The following LDLRAD3 variants were observed in gnomAD, a reference collection of about 807,000 sequenced individuals.
LDLRAD3 encodes the protein low density lipoprotein receptor class A domain containing 3, also known as low-density lipoprotein receptor class A domain-containing protein 3.
A neutral mutation model predicts 29.4 loss-of-function variants in LDLRAD3; 20 were observed. The observed-to-expected ratio is 0.68, with a 90% CI of 0.48 to 0.99. The LOEUF is 0.99. Among genes scored for constraint, LDLRAD3 ranks in the 50% least tolerant of loss-of-function variants. The probability of loss-of-function intolerance (pLI) is 0.00; values close to 1 mark genes in which losing one functional copy is unlikely to be tolerated. For missense variants in LDLRAD3, 420 were observed against 454.3 expected, an observed-to-expected ratio of 0.92 and a Z score of 0.69; for synonymous variants, 157 against 192.7, an observed-to-expected ratio of 0.81 and a Z score of 1.53.
chr11:35,998,099 C>G (rs1195122451), intron 1 of LDLRAD3, among the ~76,000 whole-genome samples: 1 of 152,120 alleles, frequency 6.6e-6, no homozygotes, highest in Non-Finnish European at 1.5e-5. Context: ...ATGGGACTCC[C>G]CCAGGTGTTG....
chr11:36,175,587 A>T (rs1212125443), intron 4 of LDLRAD3, among the ~76,000 whole-genome samples: 1 of 152,168 alleles, frequency 6.6e-6, no homozygotes, highest in African/African-American at 2.4e-5. Context: ...TCAGGAGCAG[A>T]TTATTTAATT....
chr11:36,110,590 T>C (rs1345286041), intron 4 of LDLRAD3, among the ~76,000 whole-genome samples: 6 of 152,280 alleles, frequency 3.9e-5, no homozygotes. Context: ...GGCTCTCAGC[T>C]CCCCAACCCC....
intron 2 of LDLRAD3, among the ~76,000 whole-genome samples, chr11:36,052,550 G>T (rs1047820735): frequency 6.6e-6 from 1 of 152,338 alleles, no homozygotes; most frequent in Non-Finnish European, 1.5e-5. Flanking sequence ...GGGAGGCAGT[G>T]TGTGGAGTGC....
chr11:36,015,514 G>A (rs1000145927), intron 1 of LDLRAD3, among the ~76,000 whole-genome samples: 1 of 151,920 alleles, frequency 6.6e-6, no homozygotes, highest in African/African-American at 2.4e-5. Flanking sequence ...GAAACTTAAC[G>A]CACATACCGA....
chr11:36,063,104 A>T lies in LDLRAD3; in HGVS notation c.194-18549A>T, dbSNP rs112433627. Among the ~76,000 whole-genome samples, 12 of 152,288 alleles carry T rather than the reference A, an allele frequency of 7.9e-5. 2 individuals carry two copies. The highest frequency in any genetic ancestry group is 2.9e-4 in the African/African-American group (12 of 41,548). On this transcript the variant is annotated intron_variant, in intron 2 of 5. Transcript: ENST00000315571. ...CCTGAAAGTCCTTCCCTGAGGAAGG[A>T]ACTGAAATAAAACAAATGTAAACTT...
At chr11:36,159,700 G>C (rs978141558) in intron 4 of LDLRAD3, among the ~76,000 whole-genome samples, 23 of 151,310 alleles carry the variant, frequency 1.5e-4, no homozygotes, top group African/African-American at 5.6e-4. Flanking sequence ...TTGAGCTTGG[G>C]AGGTTGAGGC....
At chr11:35,968,559 C>G (rs1386548027) in intron 1 of LDLRAD3, 1 of 228,016 alleles carries the variant, frequency 4.4e-6, no homozygotes, top group South Asian at 7.9e-5. Flanking sequence ...AGCATTGCCT[C>G]TGAATTCTGC....
intron 2 of LDLRAD3, among the ~76,000 whole-genome samples, chr11:36,043,416 TTTG>T (rs1852407955): frequency 6.6e-6 from 1 of 152,218 alleles, no homozygotes; most frequent in Non-Finnish European, 1.5e-5. Context: ...CCTTTAACAA[TTTG>T]CAAGTAAGAA....
At chr11:36,087,962 AC>A (rs564677667) in intron 3 of LDLRAD3, among the ~76,000 whole-genome samples, 43 of 151,614 alleles carry the variant, frequency 2.8e-4, no homozygotes, top group Non-Finnish European at 5.6e-4. Flanking sequence ...CAAGAAATCC[AC>A]CCTGCTTGGC....
intron 1 of LDLRAD3, among the ~76,000 whole-genome samples, chr11:35,983,418 A>G (rs1433418261): frequency 1.3e-5 from 2 of 152,208 alleles, no homozygotes; most frequent in African/African-American, 4.8e-5. Context: ...CCGTATCCAT[A>G]TAACAAACCG....
chr11:36,053,870 T>C (rs1381134196), intron 2 of LDLRAD3, among the ~76,000 whole-genome samples: 2 of 152,094 alleles, frequency 1.3e-5, no homozygotes, highest in Non-Finnish European at 2.9e-5. Context: ...GTGACTCTTA[T>C]AAGGAGTCAC....
intron 2 of LDLRAD3, among the ~76,000 whole-genome samples, chr11:36,061,296 G>A (rs1383875440): frequency 1.3e-5 from 2 of 152,100 alleles, no homozygotes; most frequent in East Asian, 1.9e-4. Context: ...GTGGCACTAC[G>A]TCTGGCTAAT....
intron 2 of LDLRAD3, among the ~76,000 whole-genome samples, chr11:36,046,722 A>C (rs78070208): frequency 0.024 from 3,588 of 152,234 alleles, 167 homozygotes; most frequent in African/African-American, 0.083. Context: ...CCACCAGAGG[A>C]GGCCTTTGCA....
intron 2 of LDLRAD3, among the ~76,000 whole-genome samples, chr11:36,069,471 G>A (rs191917219): frequency 1.6e-3 from 240 of 152,314 alleles, no homozygotes; most frequent in African/African-American, 5.6e-3. Flanking sequence ...ATGGCCACAT[G>A]TCGGTTTTCA....
intron 4 of LDLRAD3, among the ~76,000 whole-genome samples, chr11:36,194,742 C>G (rs1855006726): frequency 6.6e-6 from 1 of 152,156 alleles, no homozygotes; most frequent in Non-Finnish European, 1.5e-5. Context: ...AAGCAATGTT[C>G]AGGGATTCCC....
chr11:36,008,165 G>A (rs560386911), intron 1 of LDLRAD3, among the ~76,000 whole-genome samples: 45 of 152,284 alleles, frequency 3.0e-4, no homozygotes, highest in African/African-American at 1.1e-3. Flanking sequence ...TTTATGTGAG[G>A]AGGGCATATT....
At chr11:36,068,815 C>G (rs1441828616) in intron 2 of LDLRAD3, among the ~76,000 whole-genome samples, 2 of 152,142 alleles carry the variant, frequency 1.3e-5, no homozygotes, top group Non-Finnish European at 2.9e-5. Context: ...CGCGCCCAGC[C>G]CAGAAACCTA....
intron 4 of LDLRAD3, among the ~76,000 whole-genome samples, chr11:36,215,407 A>G (rs1172777003): frequency 1.3e-5 from 2 of 152,174 alleles, no homozygotes; most frequent in African/African-American, 4.8e-5. Context: ...AAAAGACACT[A>G]CGGGGAGCCA....
chr11:36,084,445 C>G (rs973182559), intron 3 of LDLRAD3, among the ~76,000 whole-genome samples: 1 of 151,890 alleles, frequency 6.6e-6, no homozygotes, highest in African/African-American at 2.4e-5. Flanking sequence ...ATAGCAAGAC[C>G]CCATCCCTAT....
Sources: gnomAD v4.1 joint callset for allele counts (sites outside exome capture counted in the v4.1 genomes callset) on GRCh38, gnomAD v4.1.1 for gene constraint, MANE v1.5 for transcripts, NCBI Gene and HGNC (gene_info 2026-07-23, HGNC 2026-07-21) for gene names.